The following OPRM1 variants were observed in gnomAD, a reference collection of about 807,000 sequenced individuals.
The protein encoded by OPRM1 is mu-type opioid receptor.
Under a neutral mutation model 31.8 loss-of-function variants are expected in OPRM1, and 27 were observed. That is an observed-to-expected ratio of 0.85 (90% CI 0.63 to 1.17). The LOEUF (loss-of-function observed/expected upper bound fraction) is 1.17, where lower values mean the gene tolerates loss of function less well. OPRM1 is among the 50% of genes most tolerant of loss of function. OPRM1 has a pLI of 0.00. For synonymous variants in OPRM1, 196 were observed against 189.9 expected (o/e 1.03, Z -0.26); for missense variants, 536 against 511.1 (o/e 1.05, Z -0.47).
chr6:154,124,876 A>C lies in OPRM1; in HGVS notation c.*6155A>C, dbSNP rs1797498239. Among the ~76,000 whole-genome samples the C allele has an allele frequency of 6.6e-6, 1 of 152,214 alleles. No individual in the cohort carries two copies. The highest frequency in any genetic ancestry group is 2.1e-4 in the South Asian group (1 of 4,834). ...CTACTTAGAGAAAGTAGTTCACCTC[A>C]CTACCTTTTATCCAAAGAAATTATC... is the stretch of plus-strand genomic sequence containing the variant. On this transcript the variant is annotated 3_prime_UTR_variant, in exon 4 of 4. Coordinates refer to ENST00000330432, the MANE Select transcript of OPRM1 (RefSeq NM_000914.5).
chr6:154,127,653 T>A lies in OPRM1; in HGVS notation c.*8932T>A, dbSNP rs1260608076. ...CGCTTTCACTAAATAACAACTCTCT[T>A]CTCTCCATCATTTTGACTTAGAGCC... On this transcript the variant is annotated 3_prime_UTR_variant, in exon 4 of 4. Coordinates refer to ENST00000330432, the MANE Select transcript of OPRM1 (RefSeq NM_000914.5). Among the ~76,000 whole-genome samples the A allele has an allele frequency of 1.3e-5, 2 of 152,146 alleles. No individual in the cohort carries two copies. The highest frequency in any genetic ancestry group is 2.9e-5 in the Non-Finnish European group (2 of 68,020).
Position 154,125,192 on chromosome 6 carries a change from T to G in OPRM1, c.*6471T>G, listed in dbSNP as rs142552748. ...ATATTTATATTTTTCAGATGATATATCTTCATTTTCGATTTTGAAAGAACA... is the reference window on the plus strand; with the variant it reads ...ATATTTATATTTTTCAGATGATATAGCTTCATTTTCGATTTTGAAAGAACA... On this transcript the variant is annotated 3_prime_UTR_variant, in exon 4 of 4. Transcript: ENST00000330432. Among the ~76,000 whole-genome samples the G allele has an allele frequency of 3.0e-4, 46 of 152,354 alleles. No individual in the cohort carries two copies. The highest frequency in any genetic ancestry group is 1.1e-3 in the African/African-American group (45 of 41,598).
chr6:154,238,650 T>C (rs1005477057), intron 3 of OPRM1, among the ~76,000 whole-genome samples: 13 of 152,250 alleles, frequency 8.5e-5, no homozygotes, highest in Admixed American at 7.2e-4. Flanking sequence ...CTTACTTCTA[T>C]TTTCAAATTT....
intron 3 of OPRM1, among the ~76,000 whole-genome samples, chr6:154,095,509 T>A (rs185191464): frequency 6.6e-6 from 1 of 152,304 alleles, no homozygotes; most frequent in East Asian, 1.9e-4. Context: ...GCCTTCTTCC[T>A]TTTCTCCTCC....
At chr6:154,018,728 G>A (rs1583123795) in intron 1 of OPRM1, among the ~76,000 whole-genome samples, 2 of 152,052 alleles carry the variant, frequency 1.3e-5, no homozygotes, top group African/African-American at 4.8e-5. Context: ...CCTGACCCAG[G>A]ATAAACTTTC....
rs9479794 is a variant in OPRM1, at chr6:154,234,396, C to T, written c.1165-12297C>T. ...CTCTCTCACTTCCCTATTGCCTTTC[C>T]GAGTATCTCCTGGATCACTTCTCAA... On this transcript the variant is annotated intron_variant, in intron 3 of 3. Transcript: ENST00000337049. 2.3e-3 allele frequency among the ~76,000 whole-genome samples: 348 copies of T among 152,228 alleles called. 1 individual carries two copies. Among genetic ancestry groups the T allele is most frequent in the Non-Finnish European group, 3.6e-3 (245 of 67,996 alleles).
At chr6:154,134,505 C>A (rs1282859319), downstream of OPRM1, among the ~76,000 whole-genome samples, 3 of 152,150 alleles carry the variant, frequency 2.0e-5, no homozygotes, top group Non-Finnish European at 2.9e-5. Context: ...GAATCACCCA[C>A]CCTGCATCTC....
chr6:154,071,242 G>C (rs766622169), intron 1 of OPRM1, among the ~76,000 whole-genome samples: 1 of 152,174 alleles, frequency 6.6e-6, no homozygotes, highest in Non-Finnish European at 1.5e-5. Flanking sequence ...TCATTAAAAA[G>C]GTGAGATGGT....
chr6:154,112,090 G>T (rs1198268668), intron 3 of OPRM1, among the ~76,000 whole-genome samples: 1 of 152,084 alleles, frequency 6.6e-6, no homozygotes, highest in African/African-American at 2.4e-5. Flanking sequence ...AAAAATTGTT[G>T]ACAAAAATAG....
intron 3 of OPRM1, among the ~76,000 whole-genome samples, chr6:154,147,949 G>A (rs1180507694): frequency 6.6e-6 from 1 of 152,188 alleles, no homozygotes; most frequent in East Asian, 1.9e-4. Context: ...TTTTTATAAA[G>A]TATGGCCAGT....
At position 154,125,417 on chromosome 6, in the gene OPRM1, A is replaced by C. The variant is rs1162251117; in HGVS notation, c.*6696A>C. On this transcript the variant is annotated 3_prime_UTR_variant, in exon 4 of 4. Transcript: ENST00000330432. ...AACCTCTTCCATTACACAGGTTTAG[A>C]TTCAGAGTTTTCTTGCTTAAGTTCC... 2.6e-5 allele frequency among the ~76,000 whole-genome samples: 4 copies of C among 152,226 alleles called. No individual in the cohort carries two copies. Among genetic ancestry groups the C allele is most frequent in the Admixed American group, 6.5e-5 (1 of 15,276 alleles).
chr6:154,136,594 C>A (rs554528697), downstream of OPRM1, among the ~76,000 whole-genome samples: 1 of 152,280 alleles, frequency 6.6e-6, no homozygotes, highest in South Asian at 2.1e-4. Context: ...TCCCTCAGCC[C>A]CTCCGCTTGG....
intron 3 of OPRM1, among the ~76,000 whole-genome samples, chr6:154,152,949 G>C (rs1798581281): frequency 6.7e-6 from 1 of 150,204 alleles, no homozygotes; most frequent in Non-Finnish European, 1.5e-5. Flanking sequence ...ATGTTGACCA[G>C]TCTGGTCTCA....
chr6:154,090,284 T>C lies in OPRM1; in HGVS notation c.643+106T>C, dbSNP rs17181192. 863 of 715,740 alleles carry C rather than the reference T, an allele frequency of 1.2e-3. 1 individual carries two copies. In the African/African-American group the frequency reaches 0.013, roughly 11 times the overall value. 44.3% of individuals were successfully genotyped at this position (715,740 alleles called of 1,614,324 possible). On this transcript the variant is annotated intron_variant, in intron 2 of 3. Coordinates refer to ENST00000330432, the MANE Select transcript of OPRM1 (RefSeq NM_000914.5). Reference sequence around the variant, plus strand: ...GGAGTGCCCCATTGTCTTAGTCACATTGTAATTTTAATTATTCTTCCTAGC... The same window carrying C: ...GGAGTGCCCCATTGTCTTAGTCACACTGTAATTTTAATTATTCTTCCTAGC...
chr6:154,138,826 G>T (rs1441928859), intron 3 of OPRM1, among the ~76,000 whole-genome samples: 2 of 152,212 alleles, frequency 1.3e-5, no homozygotes, highest in Non-Finnish European at 2.9e-5. Flanking sequence ...GTAGCCGGAG[G>T]CTACAAGATT....
upstream of OPRM1, among the ~76,000 whole-genome samples, chr6:154,034,644 T>C (rs1441837660): frequency 1.3e-5 from 2 of 152,110 alleles, no homozygotes; most frequent in Non-Finnish European, 2.9e-5. Flanking sequence ...GTGATAAAGA[T>C]AACCTAAATA....
intron 1 of OPRM1, chr6:154,086,908 T>C (rs1007723976): frequency 1.0e-6 from 1 of 984,190 alleles, no homozygotes; most frequent in Non-Finnish European, 1.2e-6. Context: ...ATGTTTCAAC[T>C]TCTTGAGCAC....
chr6:154,067,920 T>G (rs1483406682), intron 1 of OPRM1, among the ~76,000 whole-genome samples: 3 of 152,188 alleles, frequency 2.0e-5, no homozygotes. Flanking sequence ...TTACAAAAAG[T>G]TAAATTACAA....
chr6:154,073,854 T>A (rs946329498), intron 1 of OPRM1: 1 of 152,112 alleles, frequency 6.6e-6, no homozygotes, highest in Non-Finnish European at 1.5e-5. Flanking sequence ...AATACAAAAA[T>A]TAGCCAGTGT....
Sources: gnomAD v4.1 joint callset for allele counts (sites outside exome capture counted in the v4.1 genomes callset) on GRCh38, gnomAD v4.1.1 for gene constraint, MANE v1.5 for transcripts, NCBI Gene and HGNC (gene_info 2026-07-23, HGNC 2026-07-21) for gene names.